Variants in LRIG1 observed in about 807,000 individuals in gnomAD.
LRIG1 encodes the protein leucine-rich repeats and immunoglobulin-like domains protein 1.
In LRIG1, 48 loss-of-function variants were observed where a neutral mutation model predicts 99.2. That is an observed-to-expected ratio of 0.48 (90% CI 0.38 to 0.62). The LOEUF is 0.62. LRIG1 is among the 20% of genes least tolerant of loss of function. The probability of loss-of-function intolerance (pLI) is 0.00; values close to 1 mark genes in which losing one functional copy is unlikely to be tolerated. For synonymous variants in LRIG1, 772 were observed against 596.1 expected (o/e 1.29, Z -4.30); for missense variants, 1,646 against 1,434.4 (o/e 1.15, Z -2.38).
chr3:66,472,209 C>T (rs184201062), intron 1 of LRIG1, among the ~76,000 whole-genome samples: 114 of 145,826 alleles, frequency 7.8e-4, no homozygotes, highest in African/African-American at 2.8e-3. Context: ...GAGGCTGAGG[C>T]AGGAGAATGG....
intron 7 of LRIG1, among the ~76,000 whole-genome samples, chr3:66,408,961 T>TGTGGGGGG (rs1434233261): frequency 1.2e-4 from 1 of 8,094 alleles, no homozygotes; most frequent in Non-Finnish European, 2.7e-4. Flanking sequence ...TGTGTGTGTG[T>TGTGGGGGG]GGTGGGGGGA....
At chr3:66,452,386 C>G (rs978166594) in intron 2 of LRIG1, among the ~76,000 whole-genome samples, 8 of 152,206 alleles carry the variant, frequency 5.3e-5, no homozygotes, top group Non-Finnish European at 1.0e-4. Flanking sequence ...TGGTCTGCCC[C>G]CAGAGGCTGT....
intron 9 of LRIG1, chr3:66,401,526 G>T: frequency 1.1e-6 from 1 of 933,122 alleles, no homozygotes; most frequent in South Asian, 2.0e-5. Context: ...TTTTAACGGT[G>T]ACAATAGCAA....
At chr3:66,460,228 T>G (rs993223712) in intron 2 of LRIG1, among the ~76,000 whole-genome samples, 1 of 152,212 alleles carries the variant, frequency 6.6e-6, no homozygotes, top group African/African-American at 2.4e-5. Context: ...GAGGGAATTC[T>G]CCAATTTTGT....
chr3:66,382,512 T>G, intron 15 of LRIG1, 114 bp from the exon 16 acceptor site: 1 of 1,180,784 alleles, frequency 8.5e-7, no homozygotes, highest in African/African-American at 1.6e-5. Flanking sequence ...ATCAGCGCTG[T>G]GCAGAGAGAT....
At chr3:66,476,641 G>A (rs1181596123) in intron 1 of LRIG1, among the ~76,000 whole-genome samples, 1 of 152,158 alleles carries the variant, frequency 6.6e-6, no homozygotes, top group Non-Finnish European at 1.5e-5. Context: ...GTAAATCAAA[G>A]CACTAGAAAA....
intron 4 of LRIG1, among the ~76,000 whole-genome samples, chr3:66,415,276 G>T (rs1702587081): frequency 6.6e-6 from 1 of 152,122 alleles, no homozygotes. Context: ...TGAGGGCAAG[G>T]CCGATTTAGT....
At chr3:66,430,620 T>TAACATGG (rs1168001714) in intron 3 of LRIG1, among the ~76,000 whole-genome samples, 5 of 152,176 alleles carry the variant, frequency 3.3e-5, no homozygotes, top group African/African-American at 1.2e-4. Context: ...TATGCCATCC[T>TAACATGG]AACATGGGCA....
At chr3:66,447,337 C>G (rs1310644158) in intron 3 of LRIG1, among the ~76,000 whole-genome samples, 1 of 152,008 alleles carries the variant, frequency 6.6e-6, no homozygotes, top group Non-Finnish European at 1.5e-5. Context: ...ACCCATTGAC[C>G]AGCCCCACAC....
chr3:66,408,002 A>G (rs1448417810), intron 7 of LRIG1, among the ~76,000 whole-genome samples: 1 of 151,674 alleles, frequency 6.6e-6, no homozygotes, highest in Non-Finnish European at 1.5e-5. Flanking sequence ...TAGTGGGGCA[A>G]CTCCCCCAGG....
At chr3:66,421,681 G>A (rs917849041) in intron 3 of LRIG1, among the ~76,000 whole-genome samples, 1 of 152,228 alleles carries the variant, frequency 6.6e-6, no homozygotes, top group Non-Finnish European at 1.5e-5. Flanking sequence ...CTAGAGGACA[G>A]TGGCCCTCTT....
chr3:66,383,082 G>T lies in LRIG1; in HGVS notation c.2391C>A (p.Thr797=). ...RKDGTTVGIF[T]IAVVSSIVLT... ...GGACGATGCTGCTCACGACAGCAAT[G>T]GTGAAGATGCCTACCGTGGTCCCAT... Residue 797 remains threonine (T), a synonymous_variant, in exon 15 of 19, where the codon ACC becomes ACA. Transcript: ENST00000273261. The T allele has an allele frequency of 6.2e-7, 1 of 1,614,248 alleles. No homozygotes were observed. The highest frequency in any genetic ancestry group is 8.5e-7 in the Non-Finnish European group (1 of 1,180,054).
intron 1 of LRIG1, among the ~76,000 whole-genome samples, chr3:66,488,467 AAAAAAAC>A (rs1681154749): frequency 7.0e-6 from 1 of 142,512 alleles, no homozygotes; most frequent in African/African-American, 2.5e-5. Flanking sequence ...TCTCTACTAA[AAAAAAAC>A]AAAAAAAAAA....
intron 1 of LRIG1, among the ~76,000 whole-genome samples, chr3:66,487,440 A>G (rs1212394834): frequency 6.6e-6 from 1 of 152,216 alleles, no homozygotes. Flanking sequence ...TAGAGAAACA[A>G]TGAAACTGGG....
intron 3 of LRIG1, among the ~76,000 whole-genome samples, chr3:66,427,891 A>G (rs997746702): frequency 6.6e-6 from 1 of 152,208 alleles, no homozygotes; most frequent in African/African-American, 2.4e-5. Context: ...TGTTCTGTAC[A>G]TACCCTTTTT....
chr3:66,419,078 G>C (rs1443639626), intron 3 of LRIG1, among the ~76,000 whole-genome samples: 1 of 152,240 alleles, frequency 6.6e-6, no homozygotes, highest in African/African-American at 2.4e-5. Context: ...ACAGAGCTGA[G>C]TCTTATCCGG....
chr3:66,414,296 C>T (rs953171155), intron 5 of LRIG1, among the ~76,000 whole-genome samples: 1 of 151,998 alleles, frequency 6.6e-6, no homozygotes, highest in African/African-American at 2.4e-5. Flanking sequence ...GCTCTGGAGG[C>T]TGAGGCAGGA....
intron 1 of LRIG1, among the ~76,000 whole-genome samples, chr3:66,484,971 T>A (rs1036653175): frequency 4.6e-5 from 7 of 151,798 alleles, no homozygotes; most frequent in African/African-American, 1.7e-4. Context: ...CTAGGCAACA[T>A]GATGAAACCC....
chr3:66,430,043 C>T (rs912678889), intron 3 of LRIG1, among the ~76,000 whole-genome samples: 5 of 152,092 alleles, frequency 3.3e-5, no homozygotes, highest in Admixed American at 1.3e-4. Flanking sequence ...CCCAGAATAA[C>T]GCTTAGAACT....
Sources: gnomAD v4.1 joint callset for allele counts (sites outside exome capture counted in the v4.1 genomes callset) on GRCh38, gnomAD v4.1.1 for gene constraint, MANE v1.5 for transcripts, NCBI Gene and HGNC (gene_info 2026-07-23, HGNC 2026-07-21) for gene names.